Variants in GNAQ observed in about 807,000 individuals in gnomAD.
GNAQ encodes guanine nucleotide-binding protein G(q) subunit alpha.
In GNAQ, 8 loss-of-function variants were observed where a neutral mutation model predicts 43.9. That is an observed-to-expected ratio of 0.18 (90% confidence interval 0.11 to 0.33). The LOEUF (loss-of-function observed/expected upper bound fraction) is 0.33, where lower values mean the gene tolerates loss of function less well. Ranked by LOEUF, GNAQ falls within the 10% of genes least tolerant of loss-of-function variation. GNAQ has a pLI of 1.00. For missense variants in GNAQ, 158 were observed against 450.8 expected (o/e 0.35, Z 5.88); for synonymous variants, 155 against 170.7 (o/e 0.91, Z 0.71).
intron 2 of GNAQ, among the ~76,000 whole-genome samples, chr9:77,827,124 G>T (rs955187838): frequency 6.6e-6 from 1 of 150,780 alleles, no homozygotes; most frequent in African/African-American, 2.4e-5. Context: ...CATAGAAAAG[G>T]TTTTTTTTTC....
chr9:77,740,934 T>G (rs2118258598), intron 5 of GNAQ, among the ~76,000 whole-genome samples: 1 of 152,358 alleles, frequency 6.6e-6, no homozygotes, highest in East Asian at 1.9e-4. Context: ...TAGTCAACTC[T>G]GCCCATGTAC....
At chr9:77,819,329 T>C (rs564760391) in intron 2 of GNAQ, among the ~76,000 whole-genome samples, 23 of 152,274 alleles carry the variant, frequency 1.5e-4, no homozygotes, top group African/African-American at 4.6e-4. Flanking sequence ...AAATCTTCGA[T>C]GTGTTGATGT....
chr9:77,905,929 AG>A (rs1213387566), intron 2 of GNAQ, among the ~76,000 whole-genome samples: 1 of 152,078 alleles, frequency 6.6e-6, no homozygotes, highest in African/African-American at 2.4e-5. Context: ...GGGAGCTGTC[AG>A]GGGGTGGGAG....
intron 5 of GNAQ, among the ~76,000 whole-genome samples, chr9:77,730,237 T>C (rs1224167246): frequency 6.6e-6 from 1 of 152,208 alleles, no homozygotes; most frequent in Non-Finnish European, 1.5e-5. Context: ...AACCTGGATA[T>C]ATCCTCCCTC....
intron 1 of GNAQ, among the ~76,000 whole-genome samples, chr9:77,955,954 G>A (rs1016729172): frequency 2.0e-5 from 3 of 152,058 alleles, no homozygotes; most frequent in Non-Finnish European, 2.9e-5. Flanking sequence ...TTCCTGCCAC[G>A]GCAATTTCTT....
chr9:77,988,182 A>G (rs1195444731), intron 1 of GNAQ, among the ~76,000 whole-genome samples: 1 of 152,262 alleles, frequency 6.6e-6, no homozygotes, highest in Non-Finnish European at 1.5e-5. Flanking sequence ...GGAAGGAAAC[A>G]GTAAGAGAAA....
At chr9:77,742,089 A>G (rs1157949435) in intron 5 of GNAQ, among the ~76,000 whole-genome samples, 3 of 152,202 alleles carry the variant, frequency 2.0e-5, no homozygotes, top group Non-Finnish European at 2.9e-5. Flanking sequence ...CTTTAAAAGC[A>G]ATGTTTACTG....
intron 1 of GNAQ, among the ~76,000 whole-genome samples, chr9:77,976,507 C>T (rs1823304536): frequency 6.6e-6 from 1 of 152,172 alleles, no homozygotes; most frequent in African/African-American, 2.4e-5. Flanking sequence ...ATTCTCCTGC[C>T]TCAGCCTCCC....
At chr9:77,879,227 G>T (rs932522866) in intron 2 of GNAQ, among the ~76,000 whole-genome samples, 1 of 152,088 alleles carries the variant, frequency 6.6e-6, no homozygotes, top group Non-Finnish European at 1.5e-5. Flanking sequence ...CTGTCACCCA[G>T]AAATTGTTCT....
At chr9:77,863,236 A>T (rs796179755) in intron 2 of GNAQ, among the ~76,000 whole-genome samples, 3 of 131,664 alleles carry the variant, frequency 2.3e-5, no homozygotes, top group Non-Finnish European at 3.5e-5. Flanking sequence ...GGAAGAAAGG[A>T]AGGAAGGAAG....
intron 1 of GNAQ, among the ~76,000 whole-genome samples, chr9:78,019,923 CAAA>C (rs34222702): frequency 3.2e-5 from 3 of 94,126 alleles, no homozygotes; most frequent in Non-Finnish European, 4.2e-5. Context: ...GACTCCATCT[CAAA>C]AAAAAAAAAA....
At chr9:77,746,469 A>G (rs963185919) in intron 5 of GNAQ, among the ~76,000 whole-genome samples, 2 of 152,152 alleles carry the variant, frequency 1.3e-5, no homozygotes, top group African/African-American at 4.8e-5. Flanking sequence ...GAACTGATAT[A>G]TTATCTTATA....
intron 1 of GNAQ, among the ~76,000 whole-genome samples, chr9:77,940,784 G>A (rs1298539923): frequency 1.3e-5 from 2 of 151,936 alleles, no homozygotes; most frequent in African/African-American, 4.8e-5. Flanking sequence ...TGGCTAACAC[G>A]GTGAAACCCC....
chr9:77,982,500 A>C (rs1823380106), intron 1 of GNAQ, among the ~76,000 whole-genome samples: 1 of 152,174 alleles, frequency 6.6e-6, no homozygotes, highest in Non-Finnish European at 1.5e-5. Context: ...TGAGAGAGAC[A>C]TATGACATGG....
intron 5 of GNAQ, among the ~76,000 whole-genome samples, chr9:77,780,662 T>G (rs1826381527): frequency 6.6e-6 from 1 of 151,984 alleles, no homozygotes; most frequent in Admixed American, 6.6e-5. Context: ...GTGGTTCTAT[T>G]TGTAGTTTTT....
chr9:77,810,205 ATCATCTATCTAT>A (rs1202546002), intron 3 of GNAQ, among the ~76,000 whole-genome samples: 1 of 140,946 alleles, frequency 7.1e-6, no homozygotes, highest in Non-Finnish European at 1.5e-5. Context: ...AAAACTGTCA[ATCATCTATCTAT>A]CTATCTATCT....
At chr9:77,945,425 T>C (rs1822876236) in intron 1 of GNAQ, among the ~76,000 whole-genome samples, 1 of 152,244 alleles carries the variant, frequency 6.6e-6, no homozygotes, top group Non-Finnish European at 1.5e-5. Context: ...GTTGTGTCTG[T>C]CTGGGTTATG....
At chr9:77,929,667 C>T (rs1829120168) in intron 1 of GNAQ, among the ~76,000 whole-genome samples, 1 of 151,892 alleles carries the variant, frequency 6.6e-6, no homozygotes, top group Non-Finnish European at 1.5e-5. Flanking sequence ...CCTGTCTCTA[C>T]TAAAAATACA....
At chr9:77,865,641 GTGTT>G (rs1827936046) in intron 2 of GNAQ, among the ~76,000 whole-genome samples, 6 of 152,168 alleles carry the variant, frequency 3.9e-5, no homozygotes, top group Admixed American at 3.9e-4. Context: ...TGACCACAAG[GTGTT>G]CAGAGTTCCA....
Sources: allele counts gnomAD v4.1 joint callset (sites outside exome capture counted in the v4.1 genomes callset), GRCh38; gene constraint gnomAD v4.1.1; transcripts MANE v1.5; gene names NCBI Gene and HGNC (gene_info 2026-07-23, HGNC 2026-07-21).